The following LDLRAD2 variants were observed in gnomAD, a reference collection of about 807,000 sequenced individuals.
The protein encoded by LDLRAD2 is low-density lipoprotein receptor class A domain-containing protein 2.
A neutral mutation model predicts 24.9 loss-of-function variants in LDLRAD2; 25 were observed. The ratio of observed to expected loss-of-function variants is 1.00; its 90% CI spans 0.73 to 1.40. LDLRAD2 has a LOEUF of 1.40. Ranked by LOEUF, LDLRAD2 falls within the 40% of genes most tolerant of loss-of-function variation. The pLI, the probability that LDLRAD2 is intolerant of heterozygous loss-of-function variation, is 0.00. For synonymous variants in LDLRAD2, 182 were observed against 166.7 expected (o/e 1.09, Z -0.71); for missense variants, 391 against 366.2 (o/e 1.07, Z -0.55).
In LDLRAD2 at chr1:21,823,082, G is replaced by A. The variant is rs758013152; in HGVS notation, c.*867G>A. On this transcript the variant is annotated 3_prime_UTR_variant, in exon 5 of 5. Transcript: ENST00000344642. Reference sequence around the variant, plus strand: ...ACTGTTCCTGACCCCAAGTCCTGGTGACTTTCTGAGGTGCCCACTCCCATC... The same window carrying A: ...ACTGTTCCTGACCCCAAGTCCTGGTAACTTTCTGAGGTGCCCACTCCCATC... The A allele has an allele frequency of 1.2e-4, 51 of 441,706 alleles. No homozygotes were observed. Among genetic ancestry groups the A allele is most frequent in the South Asian group, 3.4e-4 (7 of 20,808 alleles). The allele number at this position is 441,706 out of a possible 1,614,324, so 27.4% of individuals were successfully genotyped here. A position where few individuals can be genotyped will look rare whatever the true frequency, so the allele number is the denominator to read the frequency against.
At chr1:21,821,854 C>G (rs776921333) in intron 4 of LDLRAD2, 4 of 1,426,848 alleles carry the variant, frequency 2.8e-6, no homozygotes, top group Non-Finnish European at 3.7e-6. Context: ...GTGGCCTCTG[C>G]CTCCACTGCA....
In LDLRAD2 at chr1:21,821,455, T is replaced by A. The variant is rs1388285292; in HGVS notation, c.649T>A (p.Ser217Thr). 1.9e-6 allele frequency: 3 copies of A among 1,614,062 alleles called. No homozygotes were observed. The highest frequency in any genetic ancestry group is 2.2e-5 in the South Asian group (2 of 91,078). The change falls in exon 4 of 5, where the codon TCT becomes ACT. Residue 217 changes from serine to threonine, a missense_variant. Transcript: ENST00000344642. ...TTCTGTTCTTTCCCATGCAGGTCCCTCTCCGGTGCCCAGCCAGACAGGAAG... is the reference window on the plus strand; with the variant it reads ...TTCTGTTCTTTCCCATGCAGGTCCCACTCCGGTGCCCAGCCAGACAGGAAG... ...SWSPADCRGP[S>T]PVPSQTGSTD...
chr1:21,812,599 C>T (rs1443755622), intron 1 of LDLRAD2, 63 bp downstream of exon 1: 13 of 1,362,592 alleles, frequency 9.5e-6, no homozygotes, highest in East Asian at 9.3e-5. Flanking sequence ...TCCTTAGAGA[C>T]TATGTTTCCC....
In LDLRAD2 at chr1:21,822,418, C is replaced by CCT; in HGVS notation, c.*213_*214dup. 1.7e-6 allele frequency: 1 copy of CCT among 602,902 alleles called. No individual in the cohort carries two copies. Among genetic ancestry groups the CCT allele is most frequent in the Non-Finnish European group, 3.0e-6 (1 of 336,176 alleles). The allele number at this position is 602,902 out of a possible 1,614,324, so 37.3% of individuals were successfully genotyped here. On this transcript the variant is annotated 3_prime_UTR_variant, in exon 5 of 5. Transcript: ENST00000344642. ...TGGGGCAGGGTGGTCATATCCCCCT[C>CCT]CTCTCTCTCTCAGTCGTGAGTCCTG...
rs2152681072 is a variant in LDLRAD2 at position 21,822,753 on chromosome 1, G to T, written c.*538G>T. On this transcript the variant is annotated 3_prime_UTR_variant, in exon 5 of 5. Coordinates refer to ENST00000344642, the MANE Select transcript of LDLRAD2 (RefSeq NM_001013693.3). Reference sequence around the variant, plus strand: ...GGAGTCTGCCAGAGGAGGTGCCAGGGGCTGGGTGGAGGTGGGTGGGGGTGC... The same window carrying T: ...GGAGTCTGCCAGAGGAGGTGCCAGGTGCTGGGTGGAGGTGGGTGGGGGTGC... 6.1e-6 allele frequency: 1 copy of T among 163,124 alleles called. No individual in the cohort carries two copies. Among genetic ancestry groups the T allele is most frequent in the Non-Finnish European group, 1.3e-5 (1 of 74,616 alleles). The allele number at this position is 163,124 out of a possible 1,614,324, so 10.1% of individuals were successfully genotyped here.
chr1:21,822,311 A>G lies in LDLRAD2; in HGVS notation c.*96A>G, dbSNP rs2097953778. The stretch of plus-strand genomic sequence containing the variant: ...ACCACAGGAGGGTCCCTTCTAGGAC[A>G]CAGAGGCCAGGCGTCCCAACCCCAC... On this transcript the variant is annotated 3_prime_UTR_variant, in exon 5 of 5. Transcript: ENST00000344642. 7.5e-7 allele frequency: 1 copy of G among 1,336,566 alleles called. No homozygotes were observed. The highest frequency in any genetic ancestry group is 1.7e-5 in the Admixed American group (1 of 57,490). 82.8% of individuals were successfully genotyped at this position (1,336,566 alleles called of 1,614,324 possible). A position where few individuals can be genotyped will look rare whatever the true frequency, so the allele number is the denominator to read the frequency against.
intron 3 of LDLRAD2, among the ~76,000 whole-genome samples, chr1:21,820,881 CAG>C (rs1407474698): frequency 6.6e-6 from 1 of 152,170 alleles, no homozygotes. Context: ...GGGCCCAGCA[CAG>C]AGTGTGGTGC....
intron 1 of LDLRAD2, among the ~76,000 whole-genome samples, chr1:21,813,103 T>C (rs904411811): frequency 1.3e-5 from 2 of 152,198 alleles, no homozygotes; most frequent in African/African-American, 4.8e-5. Flanking sequence ...AAGACCATCC[T>C]GGCCAACATG....
Position 21,823,601 on chromosome 1 carries a change from G to C in LDLRAD2, c.*1386G>C, listed in dbSNP as rs753155069. On this transcript the variant is annotated 3_prime_UTR_variant, in exon 5 of 5. Coordinates refer to ENST00000344642, the MANE Select transcript of LDLRAD2 (RefSeq NM_001013693.3). ...CCGTTCCTGCCCCTGCCCTGAGAAG[G>C]AGCCCCAGACTTACCGATGTAGACG... 2 of 1,612,546 alleles carry C rather than the reference G, an allele frequency of 1.2e-6. No individual in the cohort carries two copies. The highest frequency in any genetic ancestry group is 4.5e-5 in the East Asian group (2 of 44,872).
chr1:21,816,870 T>C (rs1293304760), intron 3 of LDLRAD2, among the ~76,000 whole-genome samples: 1 of 152,192 alleles, frequency 6.6e-6, no homozygotes, highest in Non-Finnish European at 1.5e-5. Flanking sequence ...CTCATTCCCT[T>C]GTGGGTCTCA....
At position 21,812,395 on chromosome 1, in the gene LDLRAD2, G is replaced by C; in HGVS notation, c.-57G>C. ...GGCCCCATACTCCAGTCTCCCCAGAGACCCCAAGCTGAAGATTCTGTGGGT... is the reference window on the plus strand; with the variant it reads ...GGCCCCATACTCCAGTCTCCCCAGACACCCCAAGCTGAAGATTCTGTGGGT... On this transcript the variant is annotated 5_prime_UTR_variant, in exon 1 of 5. Coordinates refer to ENST00000344642, the MANE Select transcript of LDLRAD2 (RefSeq NM_001013693.3). 1 of 1,442,448 alleles carries C rather than the reference G, an allele frequency of 6.9e-7. No individual in the cohort carries two copies. The highest frequency in any genetic ancestry group is 1.2e-5 in the South Asian group (1 of 86,666). 89.4% of individuals were successfully genotyped at this position (1,442,448 alleles called of 1,614,324 possible).
chr1:21,817,947 G>A (rs894631333), intron 3 of LDLRAD2, among the ~76,000 whole-genome samples: 1 of 152,082 alleles, frequency 6.6e-6, no homozygotes, highest in African/African-American at 2.4e-5. Context: ...CGTGATCTCG[G>A]CTCACTGCAA....
chr1:21,815,515 C>T (rs760379445), intron 2 of LDLRAD2, among the ~76,000 whole-genome samples: 6 of 152,216 alleles, frequency 3.9e-5, no homozygotes, highest in East Asian at 1.9e-4. Context: ...CCGTGGCTTT[C>T]GCCTGTAATC....
At chr1:21,814,877 T>TGGGGCCACAGTG (rs1246667756) in intron 2 of LDLRAD2, 54 bp downstream of exon 2, 1 of 1,396,410 alleles carries the variant, frequency 7.2e-7, no homozygotes, top group African/African-American at 1.5e-5. Context: ...CATGCGGGAC[T>TGGGGCCACAGTG]GGGGCCACAG....
At position 21,812,475 on chromosome 1, in the gene LDLRAD2, G is replaced by A. The variant is rs569444922; in HGVS notation, c.24G>A (p.Gln8=). 6.2e-7 allele frequency: 1 copy of A among 1,614,194 alleles called. No individual in the cohort carries two copies. The highest frequency in any genetic ancestry group is 8.5e-7 in the Non-Finnish European group (1 of 1,180,018). ...GGATGGAGGCTTGTTGTCTTCTGCA[G>A]TTGCCCCAAAGGTTGCTCTTGCTGG... MEACCLL[Q]LPQRLLLLGA... The change falls in exon 1 of 5, where the codon CAG becomes CAA. Residue 8 remains glutamine, a synonymous_variant. Coordinates refer to ENST00000344642, the MANE Select transcript of LDLRAD2 (RefSeq NM_001013693.3).
At position 21,822,428 on chromosome 1, in the gene LDLRAD2, TCA is replaced by T. The variant is rs1395347824; in HGVS notation, c.*214_*215del. 8 of 591,224 alleles carry T rather than the reference TCA, an allele frequency of 1.4e-5. No homozygotes were observed. The highest frequency in any genetic ancestry group is 5.7e-5 in the Admixed American group (2 of 34,954). 36.6% of individuals were successfully genotyped at this position (591,224 alleles called of 1,614,324 possible). On this transcript the variant is annotated 3_prime_UTR_variant, in exon 5 of 5. Coordinates refer to ENST00000344642, the MANE Select transcript of LDLRAD2 (RefSeq NM_001013693.3). Reference sequence around the variant, plus strand: ...TGGTCATATCCCCCTCCTCTCTCTCTCAGTCGTGAGTCCTGCCTTCCCCCACC... The same window carrying T: ...TGGTCATATCCCCCTCCTCTCTCTCTGTCGTGAGTCCTGCCTTCCCCCACC...
At chr1:21,814,871 C>G in intron 2 of LDLRAD2, 48 bp downstream of exon 2, 1 of 1,421,450 alleles carries the variant, frequency 7.0e-7, no homozygotes. Context: ...AGAGGCCATG[C>G]GGGACTGGGG....
chr1:21,819,691 G>A (rs1017274053), intron 3 of LDLRAD2, among the ~76,000 whole-genome samples: 2 of 152,152 alleles, frequency 1.3e-5, no homozygotes, highest in East Asian at 3.9e-4. Context: ...TGGAGTTTCC[G>A]TTTGGGCAGA....
At chr1:21,821,998 T>C (rs2097952820) in intron 4 of LDLRAD2, 2 of 1,433,412 alleles carry the variant, frequency 1.4e-6, no homozygotes. Flanking sequence ...GATACTAGGC[T>C]CTGGGGTCAG....
Sources: gnomAD v4.1 joint callset for allele counts (sites outside exome capture counted in the v4.1 genomes callset) on GRCh38, gnomAD v4.1.1 for gene constraint, MANE v1.5 for transcripts, NCBI Gene and HGNC (gene_info 2026-07-23, HGNC 2026-07-21) for gene names.